FERMT2: variants seen among roughly 807,000 people sequenced by gnomAD.
FERMT2 encodes FERM domain containing kindlin 2.
A neutral mutation model predicts 82.7 loss-of-function variants in FERMT2; 15 were observed. The observed-to-expected ratio is 0.18, with a 90% CI of 0.12 to 0.28. The LOEUF (loss-of-function observed/expected upper bound fraction) is 0.28, where lower values mean the gene tolerates loss of function less well. Among genes scored for constraint, FERMT2 ranks in the 10% least tolerant of loss-of-function variants. The pLI is 1.00. For synonymous variants in FERMT2, 274 were observed against 271.5 expected, an observed-to-expected ratio of 1.01 and a Z score of -0.09; for missense variants, 645 against 809.4, an observed-to-expected ratio of 0.80 and a Z score of 2.46.
chr14:52,902,949 T>C (rs1341304021), intron 3 of FERMT2, among the ~76,000 whole-genome samples: 1 of 50,776 alleles, frequency 2.0e-5, no homozygotes, highest in African/African-American at 8.0e-5. Flanking sequence ...AAAAATCCAA[T>C]ATAAAGTCAA....
At chr14:52,906,134 A>G (rs1195230220) in intron 3 of FERMT2, among the ~76,000 whole-genome samples, 1 of 152,140 alleles carries the variant, frequency 6.6e-6, no homozygotes, top group Non-Finnish European at 1.5e-5. Context: ...TGCAGAGTTG[A>G]GAGATCTGGG....
At chr14:52,906,066 A>G (rs1361046335) in intron 3 of FERMT2, among the ~76,000 whole-genome samples, 1 of 152,226 alleles carries the variant, frequency 6.6e-6, no homozygotes, top group Admixed American at 6.5e-5. Context: ...CAGAAGGATG[A>G]GCTGAGTGCA....
intron 8 of FERMT2, 21 bp downstream of exon 8, chr14:52,875,202 A>G: frequency 6.6e-7 from 1 of 1,504,068 alleles, no homozygotes; most frequent in Non-Finnish European, 9.0e-7. Flanking sequence ...ATTAGTAGGT[A>G]AAAAAAAAGA....
At chr14:52,892,383 CT>C (rs1886990319) in intron 4 of FERMT2, among the ~76,000 whole-genome samples, 1 of 151,744 alleles carries the variant, frequency 6.6e-6, no homozygotes, top group Non-Finnish European at 1.5e-5. Context: ...CTCAGGTGAT[CT>C]GCCTGCCTTG....
chr14:52,948,925 C>T (rs1295096802), intron 2 of FERMT2, among the ~76,000 whole-genome samples: 1 of 152,110 alleles, frequency 6.6e-6, no homozygotes, highest in African/African-American at 2.4e-5. Context: ...ACAAAATATC[C>T]AAATATTTGC....
chr14:52,879,532 A>G, intron 6 of FERMT2, among the ~76,000 whole-genome samples: 1 of 152,172 alleles, frequency 6.6e-6, no homozygotes, highest in East Asian at 1.9e-4. Context: ...CGTTGACAAA[A>G]TACATCTCCA....
chr14:52,874,217 TA>T lies in FERMT2; in HGVS notation c.1107del (p.Thr370LeufsTer18). 6.3e-7 allele frequency: 1 copy of T among 1,594,280 alleles called. No homozygotes were observed. Among genetic ancestry groups the T allele is most frequent in the Non-Finnish European group, 8.5e-7 (1 of 1,170,000 alleles). On this transcript the variant is annotated frameshift_variant, in exon 9 of 15. Coordinates refer to ENST00000341590, the MANE Select transcript of FERMT2 (RefSeq NM_006832.3). LOFTEE classifies it high-confidence loss of function. ...GGKTSTILGD[I>X]TSIPELADYI... ...TAGTCAGCAAGTTCAGGAATGGAAG[TA>T]ATGTCACCCTAGGAGAGAGTTAAAT...
intron 4 of FERMT2, among the ~76,000 whole-genome samples, chr14:52,890,579 A>C (rs1299656895): frequency 6.6e-6 from 1 of 151,542 alleles, no homozygotes; most frequent in Non-Finnish European, 1.5e-5. Context: ...ACTATGTCAC[A>C]ATATTACATA....
intron 2 of FERMT2, among the ~76,000 whole-genome samples, chr14:52,923,018 A>G (rs1009155579): frequency 6.6e-6 from 1 of 152,214 alleles, no homozygotes; most frequent in Non-Finnish European, 1.5e-5. Context: ...AAACCTGTAC[A>G]TATGTTACTG....
At chr14:52,904,187 C>A (rs1407814051) in intron 3 of FERMT2, among the ~76,000 whole-genome samples, 1 of 152,072 alleles carries the variant, frequency 6.6e-6, no homozygotes. Flanking sequence ...TTGAGACCAG[C>A]CTGGCCAACA....
At chr14:52,861,305 A>G (rs139844787) in intron 12 of FERMT2, 76 of 415,104 alleles carry the variant, frequency 1.8e-4, no homozygotes, top group Non-Finnish European at 3.0e-4. Context: ...TAAAGAACCT[A>G]AGGGTAGAAA....
At chr14:52,867,823 C>T (rs76891647) in intron 10 of FERMT2, among the ~76,000 whole-genome samples, 3,557 of 152,166 alleles carry the variant, frequency 0.023, 141 homozygotes, top group African/African-American at 0.082. Context: ...CACCCAATTG[C>T]ACAAATCAGA....
Position 52,858,515 on chromosome 14 carries a change from G to A in FERMT2, c.1905C>T (p.Ser635=). The change falls in exon 15 of 15, where the codon TCC becomes TCT. Residue 635 remains serine, a synonymous_variant. Transcript: ENST00000341590. ...TVEFADEVRL[S]FICTEVDCKV... Reference sequence around the variant, plus strand: ...TGCAATCTACTTCAGTACAAATGAAGGACAATCGTACTTCATCTGCAAACT... The same window carrying A: ...TGCAATCTACTTCAGTACAAATGAAAGACAATCGTACTTCATCTGCAAACT... The A allele has an allele frequency of 3.1e-6, 5 of 1,614,064 alleles. No homozygotes were observed. The highest frequency in any genetic ancestry group is 1.6e-4 in the Middle Eastern group (1 of 6,062).
intron 2 of FERMT2, among the ~76,000 whole-genome samples, chr14:52,933,917 A>T (rs1412160320): frequency 1.3e-5 from 2 of 152,026 alleles, no homozygotes; most frequent in Non-Finnish European, 2.9e-5. Flanking sequence ...GATCTCCTTG[A>T]TAGGCACCTT....
chr14:52,937,981 CAT>C (rs538253905), intron 2 of FERMT2, among the ~76,000 whole-genome samples: 145 of 152,292 alleles, frequency 9.5e-4, no homozygotes, highest in African/African-American at 3.3e-3. Context: ...GTGCTTTACA[CAT>C]GTGTCTGCAT....
At chr14:52,920,810 T>G (rs909840214) in intron 2 of FERMT2, among the ~76,000 whole-genome samples, 1 of 151,616 alleles carries the variant, frequency 6.6e-6, no homozygotes, top group Non-Finnish European at 1.5e-5. Flanking sequence ...CTGGGCATGG[T>G]ACATGTGCCT....
intron 7 of FERMT2, among the ~76,000 whole-genome samples, chr14:52,875,672 A>G (rs186913476): frequency 6.7e-6 from 1 of 149,570 alleles, no homozygotes; most frequent in East Asian, 2.0e-4. Flanking sequence ...TTTTTTTTTC[A>G]TTGTAATCTG....
At chr14:52,923,902 C>T (rs957190) in intron 2 of FERMT2, among the ~76,000 whole-genome samples, 84,970 of 151,938 alleles carry the variant, frequency 0.56, 24,591 homozygotes, top group East Asian at 0.73. Flanking sequence ...GTTCTGACAG[C>T]GAAGTAGAAG....
rs916051067 is a variant in FERMT2, at chr14:52,880,957, C to T, written c.855+79G>A. ...ATATACAAATAATTCCTTATTCCAC[C>T]GACTTCCAAAAACAAACATCCATGT... On this transcript the variant is annotated intron_variant, in intron 6 of 14. Coordinates refer to ENST00000341590, the MANE Select transcript of FERMT2 (RefSeq NM_006832.3). 3.0e-5 allele frequency: 26 copies of T among 866,490 alleles called. 1 individual carries two copies. Among genetic ancestry groups the T allele is most frequent in the Non-Finnish European group, 3.9e-5 (22 of 559,134 alleles). 53.7% of individuals were successfully genotyped at this position (866,490 alleles called of 1,614,324 possible).
Sources: gnomAD v4.1 joint callset for allele counts (sites outside exome capture counted in the v4.1 genomes callset) on GRCh38, gnomAD v4.1.1 for gene constraint, MANE v1.5 for transcripts, NCBI Gene and HGNC (gene_info 2026-07-23, HGNC 2026-07-21) for gene names.